Variants in SRRM4 observed in about 807,000 individuals in gnomAD.
SRRM4 encodes the protein serine/arginine repetitive matrix protein 4.
A neutral mutation model predicts 68.9 loss-of-function variants in SRRM4; 33 were observed. The ratio of observed to expected loss-of-function variants is 0.48; its 90% CI spans 0.36 to 0.64. The LOEUF is 0.64. SRRM4 is among the 30% of genes least tolerant of loss of function. The probability of loss-of-function intolerance (pLI) is 0.00; values close to 1 mark genes in which losing one functional copy is unlikely to be tolerated. For missense variants in SRRM4, 817 were observed against 827.1 expected, an observed-to-expected ratio of 0.99 and a Z score of 0.15; for synonymous variants, 318 against 318.8, an observed-to-expected ratio of 1.00 and a Z score of 0.03.
At position 119,111,915 on chromosome 12, in the gene SRRM4, G is replaced by A. The variant is rs192783372; in HGVS notation, c.279-2363G>A. ...ACAAAAATTAGCCTGGCTTGGTGGC[G>A]GGGGCCTGTAGTCCCAGCTACTAGG... On this transcript the variant is annotated intron_variant, in intron 2 of 12. Transcript: ENST00000267260. Among the ~76,000 whole-genome samples the A allele has an allele frequency of 3.8e-3, 582 of 152,110 alleles. 7 individuals carry two copies. The highest frequency in any genetic ancestry group is 0.013 in the African/African-American group (526 of 41,474).
At chr12:119,045,633 A>G (rs913350166) in intron 1 of SRRM4, among the ~76,000 whole-genome samples, 65 of 151,968 alleles carry the variant, frequency 4.3e-4, no homozygotes, top group African/African-American at 1.5e-3. Context: ...GGGACCTGTA[A>G]TTTTCATCAG....
chr12:119,021,472 A>C (rs1316878790), intron 1 of SRRM4, among the ~76,000 whole-genome samples: 1 of 152,214 alleles, frequency 6.6e-6, no homozygotes, highest in East Asian at 1.9e-4. Context: ...TCAGATAGGC[A>C]GGCAGGAACT....
At chr12:119,130,420 T>TGGATGGAG (rs1555220474) in intron 7 of SRRM4, among the ~76,000 whole-genome samples, 1 of 146,604 alleles carries the variant, frequency 6.8e-6, no homozygotes, top group Non-Finnish European at 1.5e-5. Context: ...GATGGATGGA[T>TGGATGGAG]GGATGGATGG....
At chr12:119,141,601 C>T (rs1954365565) in intron 8 of SRRM4, among the ~76,000 whole-genome samples, 1 of 152,114 alleles carries the variant, frequency 6.6e-6, no homozygotes, top group Non-Finnish European at 1.5e-5. Flanking sequence ...ACCCAGTTGT[C>T]TCTACAATAA....
At chr12:119,105,227 C>T (rs1954099754) in intron 2 of SRRM4, among the ~76,000 whole-genome samples, 1 of 152,062 alleles carries the variant, frequency 6.6e-6, no homozygotes. Flanking sequence ...CATTGATGGA[C>T]ATTTGGGTTG....
chr12:119,072,254 C>T (rs370802121), intron 1 of SRRM4, among the ~76,000 whole-genome samples: 1 of 152,146 alleles, frequency 6.6e-6, no homozygotes, highest in South Asian at 2.1e-4. Context: ...CCTACTTATT[C>T]ACTCCAAACT....
intron 8 of SRRM4, chr12:119,133,181 TTGTTA>T (rs1393148922): frequency 3.9e-5 from 6 of 152,314 alleles, no homozygotes; most frequent in African/African-American, 1.4e-4. Context: ...CCTCATAAGA[TTGTTA>T]TGAGAATTCA....
chr12:119,065,381 G>C (rs1953839348), intron 1 of SRRM4, among the ~76,000 whole-genome samples: 5 of 152,182 alleles, frequency 3.3e-5, no homozygotes, highest in Admixed American at 3.3e-4. Flanking sequence ...TTGACTAAAG[G>C]TTGTTTCCAT....
At chr12:119,128,618 T>G (rs1565915133) in intron 7 of SRRM4, among the ~76,000 whole-genome samples, 1 of 152,208 alleles carries the variant, frequency 6.6e-6, no homozygotes, top group Admixed American at 6.5e-5. Context: ...ACATCTCTGA[T>G]CTGTTACAGC....
In SRRM4 at chr12:119,122,316, A is replaced by C. The variant is rs889891393; in HGVS notation, c.515+196A>C. On this transcript the variant is annotated intron_variant, in intron 6 of 12. Transcript: ENST00000267260. ...GCAGGAAGGAAGGAAGGAAGGAAGG[A>C]AGGAAGGAAGGAAGGAAGGAAGGGG... is the stretch of plus-strand genomic sequence containing the variant. Among the ~76,000 whole-genome samples, 68 of 146,748 alleles carry C rather than the reference A, an allele frequency of 4.6e-4. No individual in the cohort carries two copies. The South Asian group carries it at 7.0e-3, about 15-fold the overall frequency.
chr12:119,107,797 G>GT (rs1198186261), intron 2 of SRRM4, among the ~76,000 whole-genome samples: 4 of 152,042 alleles, frequency 2.6e-5, no homozygotes, highest in African/African-American at 7.2e-5. Flanking sequence ...TTTTTGAAGG[G>GT]TTTTTTGTGT....
intron 8 of SRRM4, among the ~76,000 whole-genome samples, chr12:119,133,696 C>T (rs575394648): frequency 1.9e-4 from 29 of 152,296 alleles, no homozygotes; most frequent in African/African-American, 6.7e-4. Context: ...TTAAAGCTAA[C>T]AGCAGAGTCA....
At chr12:119,021,935 G>T (rs1345541350) in intron 1 of SRRM4, among the ~76,000 whole-genome samples, 2 of 152,082 alleles carry the variant, frequency 1.3e-5, no homozygotes, top group African/African-American at 4.8e-5. Flanking sequence ...ATTCCTTTGG[G>T]TATATACCCA....
At chr12:118,985,313 C>T (rs975947308) in intron 1 of SRRM4, among the ~76,000 whole-genome samples, 2 of 152,142 alleles carry the variant, frequency 1.3e-5, no homozygotes, top group Non-Finnish European at 2.9e-5. Context: ...TATCTGGATT[C>T]AGAATTGATT....
At chr12:119,102,427 G>A (rs780216009) in intron 2 of SRRM4, 45 bp downstream of exon 2, 3 of 1,529,290 alleles carry the variant, frequency 2.0e-6, no homozygotes, top group Middle Eastern at 1.9e-4. Flanking sequence ...CAGAAATAAA[G>A]TCTGCCTCTC....
intron 1 of SRRM4, among the ~76,000 whole-genome samples, chr12:119,007,406 T>G (rs186146306): frequency 2.0e-5 from 3 of 152,352 alleles, no homozygotes; most frequent in Admixed American, 6.5e-5. Context: ...ATTTTCTCTC[T>G]CTTTTTTCTC....
At chr12:119,113,937 A>G (rs1020005165) in intron 2 of SRRM4, among the ~76,000 whole-genome samples, 6 of 152,208 alleles carry the variant, frequency 3.9e-5, no homozygotes, top group Non-Finnish European at 5.9e-5. Flanking sequence ...AGGGGGCTGA[A>G]CGGCTGATGA....
chr12:119,119,606 T>A (rs142784067), intron 4 of SRRM4, among the ~76,000 whole-genome samples: 117 of 152,214 alleles, frequency 7.7e-4, no homozygotes, highest in Admixed American at 1.6e-3. Context: ...TGATCGTCAG[T>A]GTTTTTGTAA....
intron 1 of SRRM4, among the ~76,000 whole-genome samples, chr12:118,997,081 A>C (rs1953354363): frequency 6.6e-6 from 1 of 152,220 alleles, no homozygotes; most frequent in Non-Finnish European, 1.5e-5. Flanking sequence ...TTATCCATGA[A>C]AAGGAAAAAC....
Sources: gnomAD v4.1 joint callset for allele counts (sites outside exome capture counted in the v4.1 genomes callset) on GRCh38, gnomAD v4.1.1 for gene constraint, MANE v1.5 for transcripts, NCBI Gene and HGNC (gene_info 2026-07-23, HGNC 2026-07-21) for gene names.